The following LOXHD1 variants were observed in gnomAD, a reference collection of about 807,000 sequenced individuals.
LOXHD1 encodes lipoxygenase homology domain-containing protein 1.
Under a neutral mutation model 248.2 loss-of-function variants are expected in LOXHD1, and 205 were observed. The ratio of observed to expected loss-of-function variants is 0.83; its 90% CI spans 0.74 to 0.93. The LOEUF (loss-of-function observed/expected upper bound fraction) is 0.93, where lower values mean the gene tolerates loss of function less well. Ranked by LOEUF, LOXHD1 falls within the 40% of genes least tolerant of loss-of-function variation. LOXHD1 has a pLI of 0.00. For synonymous variants in LOXHD1, 1,113 were observed against 1,162.8 expected, an observed-to-expected ratio of 0.96 and a Z score of 0.87; for missense variants, 2,930 against 2,971.6, an observed-to-expected ratio of 0.99 and a Z score of 0.33.
At chr18:46,636,916 C>A (rs1035042388) in intron 4 of LOXHD1, among the ~76,000 whole-genome samples, 8 of 152,116 alleles carry the variant, frequency 5.3e-5, no homozygotes, top group Non-Finnish European at 2.9e-5. Context: ...GAGGCAGAGG[C>A]AGGTGGATCA....
Position 46,617,619 on chromosome 18 carries a change from A to G in LOXHD1, c.610+573T>C, listed in dbSNP as rs542480895. Among the ~76,000 whole-genome samples the G allele has an allele frequency of 4.6e-5, 7 of 151,102 alleles. No homozygotes were observed. The South Asian group carries it at 1.5e-3, about 32-fold the overall frequency. On this transcript the variant is annotated intron_variant, in intron 5 of 40. Coordinates refer to ENST00000642948, the MANE Select transcript of LOXHD1 (RefSeq NM_001384474.1). ...TGTTACAAAATTCACATGTCTTTGTAGCTTTTCCAACTCCTATGTAATTCT... is the reference window on the plus strand; with the variant it reads ...TGTTACAAAATTCACATGTCTTTGTGGCTTTTCCAACTCCTATGTAATTCT...
intron 4 of LOXHD1, among the ~76,000 whole-genome samples, chr18:46,621,280 C>T (rs904216923): frequency 5.3e-5 from 8 of 152,172 alleles, no homozygotes; most frequent in African/African-American, 1.9e-4. Context: ...ATACACCTCA[C>T]GAAACCATTT....
intron 5 of LOXHD1, among the ~76,000 whole-genome samples, chr18:46,614,273 T>C (rs938815566): frequency 6.6e-6 from 1 of 152,196 alleles, no homozygotes; most frequent in African/African-American, 2.4e-5. Flanking sequence ...TGCACATGTA[T>C]GTTTATTGCG....
chr18:46,557,789 C>A, intron 20 of LOXHD1: 1 of 1,157,662 alleles, frequency 8.6e-7, no homozygotes, highest in Non-Finnish European at 1.2e-6. Flanking sequence ...TTGCTGGATG[C>A]CCACATCTGT....
intron 4 of LOXHD1, among the ~76,000 whole-genome samples, chr18:46,638,580 C>T (rs966905855): frequency 1.3e-5 from 2 of 152,054 alleles, no homozygotes; most frequent in Admixed American, 6.5e-5. Context: ...TCACAGTGAG[C>T]GAAGATTGTG....
chr18:46,609,665 G>T (rs1399073195), intron 6 of LOXHD1, among the ~76,000 whole-genome samples: 1 of 152,196 alleles, frequency 6.6e-6, no homozygotes, highest in African/African-American at 2.4e-5. Flanking sequence ...CCTCAGCCTG[G>T]TGTGAATTTT....
chr18:46,504,334 G>A (rs2034427286), intron 37 of LOXHD1, among the ~76,000 whole-genome samples: 1 of 152,114 alleles, frequency 6.6e-6, no homozygotes, highest in Admixed American at 6.5e-5. Flanking sequence ...TCAAATTCCT[G>A]GGCTCAAGTG....
chr18:46,550,139 C>G (rs116601857), intron 21 of LOXHD1, among the ~76,000 whole-genome samples: 1 of 152,198 alleles, frequency 6.6e-6, no homozygotes, highest in Non-Finnish European at 1.5e-5. Flanking sequence ...AGACAACGTA[C>G]TCCCAAATAT....
chr18:46,534,267 G>T, intron 27 of LOXHD1, 68 bp downstream of exon 27: 1 of 1,108,248 alleles, frequency 9.0e-7, no homozygotes, highest in Non-Finnish European at 1.3e-6. Context: ...TCCTCACAGG[G>T]AATTTGCCTT....
In LOXHD1 at chr18:46,610,872, G is replaced by C. The variant is rs1304841781; in HGVS notation, c.663C>G (p.Asp221Glu). Residue 221 changes from aspartate to glutamate, a missense_variant, in exon 6 of 41, where the codon GAC becomes GAG. By Grantham distance (45) the Asp-to-Glu change is conservative (BLOSUM62 2). Transcript: ENST00000642948. ...EKDNFEKGAE[D>E]RFILDAPDLG... ...AATCCGGGGCATCCAGGATGAACCTGTCTTCAGCTCCCTTTTCAAAGTTGT... is the reference window on the plus strand; with the variant it reads ...AATCCGGGGCATCCAGGATGAACCTCTCTTCAGCTCCCTTTTCAAAGTTGT... 7.7e-6 allele frequency: 12 copies of C among 1,551,740 alleles called. No homozygotes were observed. Among genetic ancestry groups the C allele is most frequent in the Non-Finnish European group, 1.0e-5 (12 of 1,147,032 alleles).
intron 21 of LOXHD1, among the ~76,000 whole-genome samples, chr18:46,551,679 A>G (rs543220548): frequency 6.6e-6 from 1 of 152,292 alleles, no homozygotes; most frequent in Admixed American, 6.5e-5. Flanking sequence ...GAGTTCAAAC[A>G]TAAAATTTTC....
chr18:46,520,069 T>C (rs1179844271), intron 33 of LOXHD1, among the ~76,000 whole-genome samples: 1 of 152,120 alleles, frequency 6.6e-6, no homozygotes, highest in Non-Finnish European at 1.5e-5. Context: ...GGTCCCTGGA[T>C]GAACTGTGTG....
At chr18:46,633,418 C>T (rs190418354) in intron 4 of LOXHD1, among the ~76,000 whole-genome samples, 5 of 152,226 alleles carry the variant, frequency 3.3e-5, no homozygotes, top group African/African-American at 1.2e-4. Flanking sequence ...ACTGAATATC[C>T]ACTGCAAAAG....
intron 32 of LOXHD1, 139 bp downstream of exon 32, chr18:46,521,962 T>G: frequency 1.5e-6 from 1 of 679,308 alleles, no homozygotes; most frequent in Non-Finnish European, 2.4e-6. Flanking sequence ...GGCTAGTTGG[T>G]TCTTCTCTGC....
At chr18:46,555,138 C>G in intron 21 of LOXHD1, 3 of 471,112 alleles carry the variant, frequency 6.4e-6, no homozygotes, top group Non-Finnish European at 1.3e-5. Context: ...GATGGAGCTG[C>G]AAGGGGAAGC....
At chr18:46,588,183 A>G (rs988168578) in intron 12 of LOXHD1, among the ~76,000 whole-genome samples, 1 of 152,014 alleles carries the variant, frequency 6.6e-6, no homozygotes, top group Non-Finnish European at 1.5e-5. Flanking sequence ...GTACTTGTAG[A>G]GGTGAGTGAG....
rs1260968702 is a variant in LOXHD1, at chr18:46,657,212, G to A, written c.-179C>T. The A allele has an allele frequency of 9.6e-6, 9 of 933,350 alleles. No individual in the cohort carries two copies. Among genetic ancestry groups the A allele is most frequent in the Non-Finnish European group, 1.3e-5 (8 of 635,214 alleles). 57.8% of individuals were successfully genotyped at this position (933,350 alleles called of 1,614,324 possible). ...CCGTGCCCAAGGTGCTGTTCCCTCT[G>A]CCTTCTCTGGCTCCTGAGCTGAACC... On this transcript the variant is annotated 5_prime_UTR_variant, in exon 1 of 41. Coordinates refer to ENST00000642948, the MANE Select transcript of LOXHD1 (RefSeq NM_001384474.1).
intron 1 of LOXHD1, among the ~76,000 whole-genome samples, chr18:46,651,277 G>A (rs1599078724): frequency 1.3e-5 from 2 of 152,084 alleles, no homozygotes; most frequent in Non-Finnish European, 2.9e-5. Flanking sequence ...CCATTAGGGG[G>A]AGAAAAGCAG....
chr18:46,612,784 G>C (rs961530574), intron 5 of LOXHD1, among the ~76,000 whole-genome samples: 1 of 152,026 alleles, frequency 6.6e-6, no homozygotes, highest in Non-Finnish European at 1.5e-5. Context: ...TATTTTGTGA[G>C]TGGTAAAAGG....
Sources: allele counts gnomAD v4.1 joint callset (sites outside exome capture counted in the v4.1 genomes callset), GRCh38; gene constraint gnomAD v4.1.1; transcripts MANE v1.5; gene names NCBI Gene and HGNC (gene_info 2026-07-23, HGNC 2026-07-21).